ANAPC10: variants seen among roughly 807,000 people sequenced by gnomAD.
ANAPC10 encodes anaphase-promoting complex subunit 10.
In ANAPC10, 12 loss-of-function variants were observed where a neutral mutation model predicts 22.0. The observed-to-expected ratio is 0.55, with a 90% CI of 0.35 to 0.88. The LOEUF is 0.88. Among genes scored for constraint, ANAPC10 ranks in the 40% least tolerant of loss-of-function variants. ANAPC10 has a pLI of 0.01. For missense variants in ANAPC10, 188 were observed against 220.9 expected, an observed-to-expected ratio of 0.85 and a Z score of 0.94; for synonymous variants, 65 against 69.5, an observed-to-expected ratio of 0.94 and a Z score of 0.32.
At chr4:145,055,566 A>G (rs999459922) in intron 4 of ANAPC10, among the ~76,000 whole-genome samples, 2 of 151,108 alleles carry the variant, frequency 1.3e-5, no homozygotes, top group South Asian at 4.2e-4. Context: ...TCAATAAATA[A>G]AAAAAAAATT....
At chr4:145,040,336 C>T (rs568840155) in intron 4 of ANAPC10, among the ~76,000 whole-genome samples, 30 of 152,216 alleles carry the variant, frequency 2.0e-4, no homozygotes, top group South Asian at 8.3e-4. Flanking sequence ...TTAATAGAGA[C>T]GGGGTTTCTC....
At chr4:145,067,570 T>C (rs1273727047) in intron 3 of ANAPC10, among the ~76,000 whole-genome samples, 2 of 152,198 alleles carry the variant, frequency 1.3e-5, no homozygotes, top group Non-Finnish European at 2.9e-5. Context: ...GGTAAGACTG[T>C]TTAATTCTAA....
intron 4 of ANAPC10, among the ~76,000 whole-genome samples, chr4:145,043,040 G>T (rs1471777356): frequency 1.3e-5 from 2 of 151,734 alleles, no homozygotes; most frequent in Admixed American, 6.6e-5. Context: ...TGTTCCAAAG[G>T]TTCAGTTTAC....
intron 4 of ANAPC10, among the ~76,000 whole-genome samples, chr4:145,054,640 T>TGTGCGC (rs1353005943): frequency 2.5e-4 from 23 of 90,324 alleles, no homozygotes; most frequent in African/African-American, 8.7e-4. Context: ...TGTGTGTGTG[T>TGTGCGC]GCGCGCGCGC....
intron 1 of ANAPC10, chr4:145,097,676 G>C: frequency 8.4e-6 from 4 of 474,486 alleles, no homozygotes; most frequent in South Asian, 6.9e-5. Flanking sequence ...TTATGAACTA[G>C]TTGTCACTTG....
At chr4:145,027,621 G>C (rs1331769835) in intron 4 of ANAPC10, among the ~76,000 whole-genome samples, 3 of 152,110 alleles carry the variant, frequency 2.0e-5, no homozygotes, top group Non-Finnish European at 4.4e-5. Flanking sequence ...CTACTTGAGA[G>C]AAAAATAGAT....
chr4:145,077,831 G>A (rs1273184512), intron 3 of ANAPC10, among the ~76,000 whole-genome samples: 9 of 152,120 alleles, frequency 5.9e-5, no homozygotes, highest in Non-Finnish European at 1.3e-4. Flanking sequence ...CAATCATCAT[G>A]TTAAAAATCC....
chr4:145,036,262 C>T (rs1578988296), intron 4 of ANAPC10, among the ~76,000 whole-genome samples: 2 of 152,094 alleles, frequency 1.3e-5, no homozygotes, highest in Admixed American at 1.3e-4. Flanking sequence ...GATTATAGAG[C>T]TAAATCCTGA....
intron 4 of ANAPC10, among the ~76,000 whole-genome samples, chr4:145,026,945 A>ATATATATATATGTGTGTGTG (rs1287102797): frequency 1.2e-4 from 2 of 17,156 alleles, no homozygotes; most frequent in Non-Finnish European, 2.4e-4. Flanking sequence ...ATATATATAT[A>ATATATATATATGTGTGTGTG]TGTGTGTGTG....
intron 3 of ANAPC10, among the ~76,000 whole-genome samples, chr4:145,076,642 C>G (rs1176983492): frequency 6.6e-6 from 1 of 152,186 alleles, no homozygotes; most frequent in Non-Finnish European, 1.5e-5. Flanking sequence ...AATTCAGAAT[C>G]TGGATGGCAG....
intron 4 of ANAPC10, among the ~76,000 whole-genome samples, chr4:145,059,409 T>G (rs1388926757): frequency 1.3e-5 from 2 of 152,120 alleles, no homozygotes; most frequent in Non-Finnish European, 2.9e-5. Flanking sequence ...GAAGACTTAT[T>G]TCAAGCCTCC....
intron 1 of ANAPC10, chr4:145,097,428 A>T (rs1457943143): frequency 1.3e-5 from 15 of 1,196,692 alleles, no homozygotes; most frequent in Non-Finnish European, 1.5e-5. Context: ...CTGCTTTGGT[A>T]GCGCAGTTAC....
At chr4:145,014,563 G>T (rs568546008) in intron 4 of ANAPC10, among the ~76,000 whole-genome samples, 2 of 151,984 alleles carry the variant, frequency 1.3e-5, no homozygotes, top group Non-Finnish European at 2.9e-5. Flanking sequence ...CCCGCCCACC[G>T]TCTGATCCTC....
intron 2 of ANAPC10, among the ~76,000 whole-genome samples, chr4:145,093,605 G>C (rs1176608550): frequency 6.6e-6 from 1 of 151,310 alleles, no homozygotes; most frequent in Non-Finnish European, 1.5e-5. Context: ...TAGATGAAAT[G>C]TGTTAACAGA....
At position 144,995,171 on chromosome 4, in the gene ANAPC10, A is replaced by G; in HGVS notation, c.*202T>C. On this transcript the variant is annotated 3_prime_UTR_variant, in exon 5 of 5. Coordinates refer to ENST00000507656, the MANE Select transcript of ANAPC10 (RefSeq NM_001256706.2). ...GCTTCAAATCCATTTTTAGTAATGTAAAATATGTGAGCTTTATTACATGTT... is the reference window on the plus strand; with the variant it reads ...GCTTCAAATCCATTTTTAGTAATGTGAAATATGTGAGCTTTATTACATGTT... The G allele has an allele frequency of 2.8e-6, 1 of 353,082 alleles. No homozygotes were observed. Among genetic ancestry groups the G allele is most frequent in the South Asian group, 7.9e-5 (1 of 12,664 alleles). 21.9% of individuals were successfully genotyped at this position (353,082 alleles called of 1,614,324 possible).
chr4:145,092,460 T>A (rs1214250400), intron 2 of ANAPC10, among the ~76,000 whole-genome samples: 3 of 152,096 alleles, frequency 2.0e-5, no homozygotes, highest in Admixed American at 6.5e-5. Context: ...TTACAGATTG[T>A]CCCAACTGTA....
intron 2 of ANAPC10, among the ~76,000 whole-genome samples, chr4:145,092,506 T>C (rs1274566155): frequency 2.0e-5 from 3 of 151,968 alleles, no homozygotes; most frequent in Non-Finnish European, 4.4e-5. Flanking sequence ...ACCAAATAAA[T>C]ACATAAGAAG....
intron 4 of ANAPC10, among the ~76,000 whole-genome samples, chr4:145,037,629 T>G (rs772617825): frequency 1.3e-5 from 2 of 152,102 alleles, no homozygotes; most frequent in African/African-American, 2.4e-5. Context: ...ATTTAACTAT[T>G]AAGTAAACAA....
At chr4:144,996,609 T>C (rs1201877796) in intron 4 of ANAPC10, among the ~76,000 whole-genome samples, 1 of 152,080 alleles carries the variant, frequency 6.6e-6, no homozygotes, top group Non-Finnish European at 1.5e-5. Flanking sequence ...CGAAGGTAGA[T>C]AAAACCACAA....
Sources: gnomAD v4.1 joint callset for allele counts (sites outside exome capture counted in the v4.1 genomes callset) on GRCh38, gnomAD v4.1.1 for gene constraint, MANE v1.5 for transcripts, NCBI Gene and HGNC (gene_info 2026-07-23, HGNC 2026-07-21) for gene names.